PLD5: variants seen among roughly 807,000 people sequenced by gnomAD.
PLD5 encodes inactive phospholipase D5.
Under a neutral mutation model 61.1 loss-of-function variants are expected in PLD5, and 36 were observed. That is an observed-to-expected ratio of 0.59 (90% CI 0.45 to 0.78). PLD5 has a LOEUF of 0.78. Ranked by LOEUF, PLD5 falls within the 30% of genes least tolerant of loss-of-function variation. The probability of loss-of-function intolerance (pLI) is 0.00; values close to 1 mark genes in which losing one functional copy is unlikely to be tolerated. For synonymous variants in PLD5, 243 were observed against 242.8 expected (o/e 1.00, Z -0.01); for missense variants, 515 against 644.4 (o/e 0.80, Z 2.17).
Position 242,156,249 on chromosome 1 carries a change from G to A in PLD5, c.736-31584C>T, listed in dbSNP as rs182354618. On this transcript the variant is annotated intron_variant, in intron 5 of 9. Transcript: ENST00000536534. ...TTATTTTGAGCCTATGTGTGTCTTT[G>A]TATGTGAGATGGGTCTCCTGAATAC... is the stretch of plus-strand genomic sequence containing the variant. Among the ~76,000 whole-genome samples, 215 of 152,186 alleles carry A rather than the reference G, an allele frequency of 1.4e-3. 1 individual carries two copies. The highest frequency in any genetic ancestry group is 5.0e-3 in the African/African-American group (207 of 41,506).
intron 5 of PLD5, among the ~76,000 whole-genome samples, chr1:242,150,210 C>T (rs922510193): frequency 2.0e-5 from 3 of 151,606 alleles, no homozygotes; most frequent in African/African-American, 7.3e-5. Context: ...AAATGTATAA[C>T]ATTTTATGAC....
rs74658199 is a variant in PLD5 at position 242,238,703 on chromosome 1, C to T, written c.608-18588G>A. 4.3e-3 allele frequency among the ~76,000 whole-genome samples: 654 copies of T among 152,258 alleles called. 5 individuals carry two copies. The highest frequency in any genetic ancestry group is 0.015 in the African/African-American group (631 of 41,538). ...AATGAAACTTTGTGAAGTCATAGAA[C>T]GCTTATACTAAAAAAATCAATTTCT... On this transcript the variant is annotated intron_variant, in intron 4 of 9. Transcript: ENST00000536534.
At chr1:242,168,852 T>TTTTTTTG (rs1350836890) in intron 5 of PLD5, among the ~76,000 whole-genome samples, 1 of 138,398 alleles carries the variant, frequency 7.2e-6, no homozygotes, top group Non-Finnish European at 1.5e-5. Flanking sequence ...TGAAGTTTTT[T>TTTTTTTG]TTTTTTTTTT....
chr1:242,377,493 C>T (rs905214915), intron 1 of PLD5: 1 of 653,906 alleles, frequency 1.5e-6, no homozygotes, highest in Non-Finnish European at 2.7e-6. Context: ...AACACAGCTT[C>T]TTCCAACAAA....
At chr1:242,216,730 A>G (rs755846824) in intron 5 of PLD5, among the ~76,000 whole-genome samples, 1 of 152,180 alleles carries the variant, frequency 6.6e-6, no homozygotes, top group African/African-American at 2.4e-5. Flanking sequence ...CAGGCAAAAT[A>G]TCTATGTCAG....
intron 2 of PLD5, among the ~76,000 whole-genome samples, chr1:242,328,398 AGTT>A (rs1476515559): frequency 1.3e-5 from 2 of 152,046 alleles, no homozygotes; most frequent in East Asian, 3.9e-4. Context: ...TGTTCTACAT[AGTT>A]GTGTGTTCTA....
At chr1:242,350,508 T>A (rs986202148) in intron 1 of PLD5, among the ~76,000 whole-genome samples, 4 of 151,874 alleles carry the variant, frequency 2.6e-5, no homozygotes, top group Non-Finnish European at 5.9e-5. Flanking sequence ...CAGCTGACTT[T>A]GCATCCTCTT....
intron 1 of PLD5, among the ~76,000 whole-genome samples, chr1:242,403,107 A>T (rs976042458): frequency 2.0e-5 from 3 of 152,226 alleles, no homozygotes; most frequent in African/African-American, 7.2e-5. Flanking sequence ...AAAGATGCTT[A>T]ATCATCCCTT....
At chr1:242,094,327 A>G (rs1660062283) in intron 9 of PLD5, among the ~76,000 whole-genome samples, 1 of 152,040 alleles carries the variant, frequency 6.6e-6, no homozygotes, top group Admixed American at 6.6e-5. Flanking sequence ...CCTTCAAACC[A>G]TCTTCTAGAC....
At chr1:242,454,478 AAAG>A (rs1429406465) in intron 1 of PLD5, among the ~76,000 whole-genome samples, 1 of 152,200 alleles carries the variant, frequency 6.6e-6, no homozygotes, top group Non-Finnish European at 1.5e-5. Context: ...GAGGAAAAAA[AAAG>A]AAAAAAATGA....
At chr1:242,425,134 A>G (rs1410168017) in intron 1 of PLD5, among the ~76,000 whole-genome samples, 3 of 152,106 alleles carry the variant, frequency 2.0e-5, no homozygotes, top group East Asian at 1.9e-4. Flanking sequence ...TCTGTCTCCA[A>G]AAAAAATACA....
At chr1:242,291,407 A>G (rs1675354040) in intron 2 of PLD5, among the ~76,000 whole-genome samples, 1 of 152,064 alleles carries the variant, frequency 6.6e-6, no homozygotes, top group Non-Finnish European at 1.5e-5. Context: ...CCCAGTGCCT[A>G]ACGTAACTAT....
In PLD5 at chr1:242,479,887, C is replaced by CAA. The variant is rs200496068; in HGVS notation, c.189+44199_189+44200dup. Among the ~76,000 whole-genome samples the CAA allele has an allele frequency of 9.5e-3, 1,251 of 131,988 alleles. 25 individuals carry two copies. Among genetic ancestry groups the CAA allele is most frequent in the African/African-American group, 0.033 (1,202 of 36,098 alleles). 86.6% of individuals were successfully genotyped at this position (131,988 alleles called of 152,430 possible). On this transcript the variant is annotated intron_variant, in intron 1 of 9. Coordinates refer to ENST00000536534, the MANE Select transcript of PLD5 (RefSeq NM_001372062.1). ...TGAAACCCCGTCTCTACTAAAAATA[C>CAA]AAAAAAAAAAAAAATTCACCAGGCA...
chr1:242,222,716 A>G (rs1670679235), intron 4 of PLD5, among the ~76,000 whole-genome samples: 1 of 150,256 alleles, frequency 6.7e-6, no homozygotes, highest in African/African-American at 2.5e-5. Flanking sequence ...GTACCTCTCC[A>G]TCCCACACCC....
intron 5 of PLD5, among the ~76,000 whole-genome samples, chr1:242,135,506 T>C (rs919918307): frequency 6.6e-6 from 1 of 152,216 alleles, no homozygotes; most frequent in Admixed American, 6.5e-5. Flanking sequence ...CTTCTCTTTC[T>C]AATTTCAAGA....
At chr1:242,250,833 T>C (rs1672658975) in intron 4 of PLD5, among the ~76,000 whole-genome samples, 1 of 152,076 alleles carries the variant, frequency 6.6e-6, no homozygotes, top group South Asian at 2.1e-4. Flanking sequence ...TCATTTGCAG[T>C]CATTCCAGAG....
chr1:242,140,021 C>T (rs927600937), intron 5 of PLD5, among the ~76,000 whole-genome samples: 1 of 152,194 alleles, frequency 6.6e-6, no homozygotes, highest in Non-Finnish European at 1.5e-5. Flanking sequence ...TTCTCGCCTT[C>T]CTGGCAAGCA....
chr1:242,159,231 A>G (rs1349216939), intron 5 of PLD5, among the ~76,000 whole-genome samples: 2 of 152,188 alleles, frequency 1.3e-5, no homozygotes, highest in African/African-American at 4.8e-5. Context: ...GGATATAGAA[A>G]GGTAAAAGTC....
At chr1:242,262,580 G>A (rs1430100043) in intron 4 of PLD5, among the ~76,000 whole-genome samples, 1 of 152,114 alleles carries the variant, frequency 6.6e-6, no homozygotes, top group Non-Finnish European at 1.5e-5. Context: ...GGTGACAAAG[G>A]CTTAAGCAAA....
Sources: gnomAD v4.1 joint callset for allele counts (sites outside exome capture counted in the v4.1 genomes callset) on GRCh38, gnomAD v4.1.1 for gene constraint, MANE v1.5 for transcripts, NCBI Gene and HGNC (gene_info 2026-07-23, HGNC 2026-07-21) for gene names.